The following CTNND2 variants were observed in gnomAD, a reference collection of about 807,000 sequenced individuals.
CTNND2 encodes the protein catenin delta 2.
In CTNND2, 22 loss-of-function variants were observed where a neutral mutation model predicts 144.4. That is an observed-to-expected ratio of 0.15 (90% confidence interval 0.11 to 0.22). The LOEUF is 0.22. Among genes scored for constraint, CTNND2 ranks in the 10% least tolerant of loss-of-function variants. The pLI is 1.00. For missense variants in CTNND2, 1,353 were observed against 1,618.8 expected (o/e 0.84, Z 2.82); for synonymous variants, 751 against 695.6 (o/e 1.08, Z -1.25).
At chr5:11,557,847 C>T (rs986918647) in intron 3 of CTNND2, among the ~76,000 whole-genome samples, 1 of 152,184 alleles carries the variant, frequency 6.6e-6, no homozygotes, top group African/African-American at 2.4e-5. Context: ...ATCCTTGGAA[C>T]CATGCTGGGA....
At chr5:11,267,175 G>T (rs774206695) in intron 9 of CTNND2, among the ~76,000 whole-genome samples, 1 of 152,140 alleles carries the variant, frequency 6.6e-6, no homozygotes, top group Non-Finnish European at 1.5e-5. Context: ...CACCGTGCCC[G>T]ACCTGAAGCT....
intron 12 of CTNND2, among the ~76,000 whole-genome samples, chr5:11,129,307 T>TATAAATATATATC (rs1181916324): frequency 2.1e-5 from 2 of 96,884 alleles, no homozygotes; most frequent in East Asian, 3.0e-4. Flanking sequence ...ATATATTATA[T>TATAAATATATATC]ATATAAATAT....
intron 1 of CTNND2, among the ~76,000 whole-genome samples, chr5:11,860,186 T>C (rs981284691): frequency 6.6e-6 from 1 of 152,222 alleles, no homozygotes; most frequent in African/African-American, 2.4e-5. Flanking sequence ...TCATGATGAA[T>C]TCATCTATTG....
intron 6 of CTNND2, among the ~76,000 whole-genome samples, chr5:11,396,103 T>C (rs992938217): frequency 9.2e-5 from 14 of 152,140 alleles, no homozygotes; most frequent in African/African-American, 2.9e-4. Context: ...CTGGAAGAGA[T>C]AGTGCCCAAT....
At chr5:11,644,387 C>A (rs576319169) in intron 2 of CTNND2, among the ~76,000 whole-genome samples, 5 of 152,104 alleles carry the variant, frequency 3.3e-5, no homozygotes, top group South Asian at 4.1e-4. Flanking sequence ...TGATACCAAG[C>A]GGCTGTGCCG....
intron 3 of CTNND2, among the ~76,000 whole-genome samples, chr5:11,497,330 A>G (rs1277950183): frequency 2.0e-5 from 3 of 151,852 alleles, no homozygotes; most frequent in Non-Finnish European, 4.4e-5. Flanking sequence ...GGTGGATGTA[A>G]TCTACCCACA....
chr5:11,307,715 C>T (rs1750394281), intron 9 of CTNND2, among the ~76,000 whole-genome samples: 1 of 152,128 alleles, frequency 6.6e-6, no homozygotes, highest in East Asian at 1.9e-4. Flanking sequence ...ACAAACGAAA[C>T]TTATTACTTT....
At chr5:11,192,216 C>T (rs922541115) in intron 11 of CTNND2, among the ~76,000 whole-genome samples, 4 of 152,134 alleles carry the variant, frequency 2.6e-5, no homozygotes, top group African/African-American at 9.7e-5. Context: ...TGCATCATGC[C>T]AGAATGAACC....
chr5:11,121,607 A>G (rs1411424206), intron 12 of CTNND2, among the ~76,000 whole-genome samples: 1 of 152,198 alleles, frequency 6.6e-6, no homozygotes, highest in Non-Finnish European at 1.5e-5. Flanking sequence ...TTCCAAATTA[A>G]AAGACCAATC....
intron 9 of CTNND2, among the ~76,000 whole-genome samples, chr5:11,274,248 C>T (rs1431834733): frequency 6.6e-6 from 1 of 152,208 alleles, no homozygotes; most frequent in African/African-American, 2.4e-5. Flanking sequence ...TCTTACTTTT[C>T]ATGACATGTG....
intron 3 of CTNND2, among the ~76,000 whole-genome samples, chr5:11,474,955 G>A (rs144412135): frequency 4.6e-4 from 70 of 152,236 alleles, no homozygotes; most frequent in Admixed American, 7.2e-4. Context: ...ATGGCCACCC[G>A]TTTTCACATC....
At chr5:11,426,643 T>G (rs1308290016) in intron 3 of CTNND2, among the ~76,000 whole-genome samples, 1 of 152,184 alleles carries the variant, frequency 6.6e-6, no homozygotes, top group Admixed American at 6.5e-5. Flanking sequence ...AAGGTAAATG[T>G]GTTACGTTTA....
At chr5:11,776,788 A>G (rs1021254617) in intron 1 of CTNND2, among the ~76,000 whole-genome samples, 1 of 152,240 alleles carries the variant, frequency 6.6e-6, no homozygotes, top group Non-Finnish European at 1.5e-5. Context: ...TTACTTTAAA[A>G]AAAGGCATAA....
chr5:11,656,415 C>A (rs1199806743), intron 2 of CTNND2, among the ~76,000 whole-genome samples: 5 of 106,954 alleles, frequency 4.7e-5, no homozygotes, highest in Non-Finnish European at 1.2e-4. Flanking sequence ...CTGAACACTC[C>A]CAGAAAAAAA....
At chr5:11,651,857 A>C (rs1431871179) in intron 2 of CTNND2, among the ~76,000 whole-genome samples, 1 of 152,176 alleles carries the variant, frequency 6.6e-6, no homozygotes, top group South Asian at 2.1e-4. Context: ...TTATCTTGGA[A>C]GTCAATAATT....
At chr5:11,476,839 T>C (rs1767792407) in intron 3 of CTNND2, among the ~76,000 whole-genome samples, 1 of 152,176 alleles carries the variant, frequency 6.6e-6, no homozygotes, top group South Asian at 2.1e-4. Flanking sequence ...GGTTGTGGGA[T>C]TAGAGTGATT....
intron 15 of CTNND2, among the ~76,000 whole-genome samples, chr5:11,092,004 C>G (rs1363301530): frequency 6.6e-6 from 1 of 152,126 alleles, no homozygotes; most frequent in Non-Finnish European, 1.5e-5. Context: ...TCCCGATTCC[C>G]CGATCCATCT....
intron 11 of CTNND2, among the ~76,000 whole-genome samples, chr5:11,170,270 A>C (rs1443368180): frequency 6.6e-6 from 1 of 152,172 alleles, no homozygotes; most frequent in Admixed American, 6.5e-5. Flanking sequence ...ATATGAACAC[A>C]AGAGAATGTT....
chr5:11,173,474 T>G (rs996458145), intron 11 of CTNND2, among the ~76,000 whole-genome samples: 5 of 152,194 alleles, frequency 3.3e-5, no homozygotes, highest in Non-Finnish European at 7.4e-5. Flanking sequence ...CTGAGTGTTC[T>G]TTTCATGTCC....
Sources: gnomAD v4.1 joint callset for allele counts (sites outside exome capture counted in the v4.1 genomes callset) on GRCh38, gnomAD v4.1.1 for gene constraint, MANE v1.5 for transcripts, NCBI Gene and HGNC (gene_info 2026-07-23, HGNC 2026-07-21) for gene names.